Variants in PDE4D observed in about 807,000 individuals in gnomAD.
The protein encoded by PDE4D is 3',5'-cyclic-AMP phosphodiesterase 4D.
A neutral mutation model predicts 87.4 loss-of-function variants in PDE4D; 24 were observed. That is an observed-to-expected ratio of 0.27 (90% CI 0.20 to 0.39). PDE4D has a LOEUF of 0.39. PDE4D is among the 10% of genes least tolerant of loss of function. The pLI, the probability that PDE4D is intolerant of heterozygous loss-of-function variation, is 1.00. For synonymous variants in PDE4D, 384 were observed against 383.2 expected, an observed-to-expected ratio of 1.00 and a Z score of -0.02; for missense variants, 714 against 1,041.0, an observed-to-expected ratio of 0.69 and a Z score of 4.32.
chr5:59,160,384 C>T (rs1780881334), intron 5 of PDE4D, among the ~76,000 whole-genome samples: 1 of 152,110 alleles, frequency 6.6e-6, no homozygotes, highest in Non-Finnish European at 1.5e-5. Flanking sequence ...GGCTATCTAG[C>T]TATCTAGTGT....
intron 1 of PDE4D, among the ~76,000 whole-genome samples, chr5:60,302,334 C>T (rs908530589): frequency 3.9e-5 from 6 of 152,102 alleles, no homozygotes; most frequent in Admixed American, 1.3e-4. Context: ...TTACTACTGT[C>T]TCAATTTCAG....
intron 1 of PDE4D, among the ~76,000 whole-genome samples, chr5:59,772,611 C>A (rs767168927): frequency 6.6e-6 from 1 of 152,132 alleles, no homozygotes; most frequent in Non-Finnish European, 1.5e-5. Context: ...TGTCTAGGTA[C>A]AAACAAGCAA....
At chr5:59,080,380 G>A (rs1029363776) in intron 5 of PDE4D, among the ~76,000 whole-genome samples, 1 of 152,166 alleles carries the variant, frequency 6.6e-6, no homozygotes, top group Non-Finnish European at 1.5e-5. Flanking sequence ...CTGAATGGAT[G>A]ACTACATAAT....
intron 4 of PDE4D, among the ~76,000 whole-genome samples, chr5:59,182,738 T>C (rs1028004308): frequency 2.0e-5 from 3 of 152,056 alleles, no homozygotes; most frequent in Non-Finnish European, 4.4e-5. Flanking sequence ...AAGCAGAAAA[T>C]ATTAATACTT....
At chr5:60,356,866 G>T (rs758287127) in intron 1 of PDE4D, among the ~76,000 whole-genome samples, 1 of 152,160 alleles carries the variant, frequency 6.6e-6, no homozygotes, top group Non-Finnish European at 1.5e-5. Context: ...GCATGTTAGT[G>T]CATCATGTCT....
At chr5:60,082,863 C>T (rs1025812698) in intron 2 of PDE4D, among the ~76,000 whole-genome samples, 1 of 152,188 alleles carries the variant, frequency 6.6e-6, no homozygotes, top group Non-Finnish European at 1.5e-5. Flanking sequence ...TTTGGGCATG[C>T]TGCTCGCTCT....
chr5:60,089,979 G>C (rs1429232716), intron 2 of PDE4D, among the ~76,000 whole-genome samples: 1 of 151,830 alleles, frequency 6.6e-6, no homozygotes, highest in African/African-American at 2.4e-5. Context: ...CATGAAAAAA[G>C]AGAAAACCTG....
At chr5:59,748,684 G>T (rs1759984535) in intron 1 of PDE4D, among the ~76,000 whole-genome samples, 2 of 151,830 alleles carry the variant, frequency 1.3e-5, no homozygotes, top group South Asian at 4.2e-4. Context: ...ATAGCATTAG[G>T]AGATATACCT....
intron 2 of PDE4D, among the ~76,000 whole-genome samples, chr5:60,110,199 T>C (rs1777530866): frequency 6.6e-6 from 1 of 151,900 alleles, no homozygotes; most frequent in Non-Finnish European, 1.5e-5. Context: ...AAAGTTTCTG[T>C]ACAGAAAAGA....
intron 2 of PDE4D, among the ~76,000 whole-genome samples, chr5:60,170,202 T>G (rs940275746): frequency 1.3e-5 from 2 of 152,058 alleles, no homozygotes; most frequent in Non-Finnish European, 2.9e-5. Context: ...GGTACTGTGT[T>G]AGACACTTTA....
At chr5:59,166,097 T>C (rs1463473667) in intron 5 of PDE4D, among the ~76,000 whole-genome samples, 2 of 152,202 alleles carry the variant, frequency 1.3e-5, no homozygotes, top group Non-Finnish European at 1.5e-5. Flanking sequence ...TTTGCATTAA[T>C]GAGCAGAGTT....
At chr5:59,202,623 G>A (rs983909099) in intron 2 of PDE4D, among the ~76,000 whole-genome samples, 3 of 152,192 alleles carry the variant, frequency 2.0e-5, no homozygotes, top group African/African-American at 7.2e-5. Flanking sequence ...GAGCCTGGTG[G>A]GAGATGACTG....
At chr5:59,097,627 T>C (rs1430440522) in intron 5 of PDE4D, among the ~76,000 whole-genome samples, 1 of 152,210 alleles carries the variant, frequency 6.6e-6, no homozygotes, top group African/African-American at 2.4e-5. Context: ...TTAAATATTA[T>C]TTTTCTTCCC....
chr5:59,099,656 T>C lies in PDE4D; in HGVS notation c.809-60685A>G, dbSNP rs539194577. 2.0e-5 allele frequency among the ~76,000 whole-genome samples: 3 copies of C among 152,326 alleles called. No homozygotes were observed. In the South Asian group the frequency reaches 6.2e-4, roughly 32 times the overall value. Reference sequence around the variant, plus strand: ...ACTTCATGAGTGACTCTAGATCTTTTATGGTGGTGGCTTTTTAAATACAGA... The same window carrying C: ...ACTTCATGAGTGACTCTAGATCTTTCATGGTGGTGGCTTTTTAAATACAGA... On this transcript the variant is annotated intron_variant, in intron 5 of 14. Transcript: ENST00000340635.
chr5:59,486,440 C>T (rs942184566), intron 1 of PDE4D, among the ~76,000 whole-genome samples: 18 of 152,156 alleles, frequency 1.2e-4, no homozygotes, highest in African/African-American at 4.1e-4. Context: ...ATCTTAGTTG[C>T]AATTGATGTT....
At chr5:59,964,888 A>G (rs1759850695) in intron 3 of PDE4D, among the ~76,000 whole-genome samples, 2 of 152,122 alleles carry the variant, frequency 1.3e-5, no homozygotes, top group Non-Finnish European at 2.9e-5. Context: ...ATCTGGCTCC[A>G]TGGTATTGCT....
intron 1 of PDE4D, among the ~76,000 whole-genome samples, chr5:60,309,608 A>T (rs1003356433): frequency 6.6e-6 from 1 of 152,214 alleles, no homozygotes; most frequent in Non-Finnish European, 1.5e-5. Context: ...TCAGGGTTAT[A>T]ATATTTCTTA....
At chr5:60,493,280 A>T (rs929516656) in intron 1 of PDE4D, among the ~76,000 whole-genome samples, 1 of 152,230 alleles carries the variant, frequency 6.6e-6, no homozygotes, top group Non-Finnish European at 1.5e-5. Context: ...ATCTTCAGTC[A>T]TGGTAACCTA....
intron 1 of PDE4D, among the ~76,000 whole-genome samples, chr5:59,889,481 T>TA (rs1750648387): frequency 1.3e-5 from 2 of 151,788 alleles, no homozygotes; most frequent in Non-Finnish European, 1.5e-5. Context: ...ACCCAGTCTC[T>TA]AAAAAAACAA....
Sources: allele counts gnomAD v4.1 joint callset (sites outside exome capture counted in the v4.1 genomes callset), GRCh38; gene constraint gnomAD v4.1.1; transcripts MANE v1.5; gene names NCBI Gene and HGNC (gene_info 2026-07-23, HGNC 2026-07-21).